Variants in PAK2 observed in about 807,000 individuals in gnomAD.
PAK2 encodes p21 (RAC1) activated kinase 2.
A neutral mutation model predicts 65.9 loss-of-function variants in PAK2; 21 were observed. That is an observed-to-expected ratio of 0.32 (90% CI 0.23 to 0.46). PAK2 has a LOEUF of 0.46. Ranked by LOEUF, PAK2 falls within the 20% of genes least tolerant of loss-of-function variation. The pLI is 1.00. For synonymous variants in PAK2, 204 were observed against 219.7 expected (o/e 0.93, Z 0.63); for missense variants, 324 against 642.6 (o/e 0.50, Z 5.36).
chr3:196,808,030 G>A, intron 7 of PAK2, 116 bp downstream of exon 7: 1 of 979,926 alleles, frequency 1.0e-6, no homozygotes, highest in Non-Finnish European at 1.5e-6. Context: ...AGAATAAATT[G>A]TTTCCTTATA....
chr3:196,765,496 G>A (rs1200007247), intron 1 of PAK2, among the ~76,000 whole-genome samples: 1 of 152,152 alleles, frequency 6.6e-6, no homozygotes, highest in African/African-American at 2.4e-5. Context: ...CCTGCCAGCT[G>A]TATATAAGAA....
intron 2 of PAK2, among the ~76,000 whole-genome samples, chr3:196,792,798 G>GA (rs58175165): frequency 0.02 from 3,066 of 150,062 alleles, 101 homozygotes; most frequent in African/African-American, 0.07. Context: ...TAAAATGACA[G>GA]AAAAAAATAT....
intron 1 of PAK2, among the ~76,000 whole-genome samples, chr3:196,763,813 G>A (rs942623027): frequency 2.4e-4 from 36 of 152,058 alleles, no homozygotes; most frequent in African/African-American, 8.5e-4. Context: ...TTGATAAAAG[G>A]TGTCTGGCCA....
At chr3:196,793,704 C>G (rs1376253376) in intron 2 of PAK2, among the ~76,000 whole-genome samples, 1 of 152,064 alleles carries the variant, frequency 6.6e-6, no homozygotes, top group African/African-American at 2.4e-5. Flanking sequence ...ATAGAGGAAT[C>G]CATGAAACAA....
At chr3:196,740,930 A>G (rs1713171347) in intron 1 of PAK2, among the ~76,000 whole-genome samples, 1 of 152,212 alleles carries the variant, frequency 6.6e-6, no homozygotes, top group Non-Finnish European at 1.5e-5. Flanking sequence ...CCAAGAACAG[A>G]AGCGTGTCAT....
chr3:196,769,141 A>C (rs541317453), intron 1 of PAK2, among the ~76,000 whole-genome samples: 1 of 151,970 alleles, frequency 6.6e-6, no homozygotes, highest in East Asian at 1.9e-4. Context: ...AGCCTGGGCA[A>C]CATAGGGAGG....
chr3:196,760,752 A>C (rs1713932587), intron 1 of PAK2, among the ~76,000 whole-genome samples: 1 of 152,206 alleles, frequency 6.6e-6, no homozygotes, highest in South Asian at 2.1e-4. Context: ...GTCATTAGAA[A>C]GTGTTTACTT....
intron 1 of PAK2, among the ~76,000 whole-genome samples, chr3:196,774,115 C>G (rs1334173990): frequency 1.3e-5 from 2 of 152,176 alleles, no homozygotes; most frequent in African/African-American, 4.8e-5. Flanking sequence ...TGCACAGTAC[C>G]TGCCTTTGAA....
intron 1 of PAK2, among the ~76,000 whole-genome samples, chr3:196,765,939 G>C (rs1408988530): frequency 6.7e-6 from 1 of 148,290 alleles, no homozygotes; most frequent in Non-Finnish European, 1.5e-5. Context: ...TTGCTCTGTT[G>C]CCCAGGCTGG....
At chr3:196,795,970 G>A (rs577741121) in intron 2 of PAK2, among the ~76,000 whole-genome samples, 35 of 152,346 alleles carry the variant, frequency 2.3e-4, no homozygotes, top group Non-Finnish European at 4.1e-4. Flanking sequence ...TTCCATCTGA[G>A]GTCATCAGAC....
chr3:196,812,669 CTGCT>C (rs1715866683), intron 9 of PAK2, 66 bp from the exon 10 acceptor site: 5 of 724,474 alleles, frequency 6.9e-6, no homozygotes, highest in South Asian at 3.3e-5. Context: ...GAGTTATCAA[CTGCT>C]TGGGGTTTGT....
chr3:196,812,361 T>G (rs1379010264), intron 9 of PAK2, 94 bp downstream of exon 9: 3 of 797,864 alleles, frequency 3.8e-6, no homozygotes, highest in Non-Finnish European at 6.8e-6. Context: ...GAACCTCTTT[T>G]AAGTTGAGCC....
chr3:196,780,511 A>G (rs1342654286), intron 1 of PAK2, among the ~76,000 whole-genome samples: 6 of 152,224 alleles, frequency 3.9e-5, no homozygotes, highest in Admixed American at 1.3e-4. Flanking sequence ...TCAGGAGAAC[A>G]GCACAGGAAA....
intron 2 of PAK2, among the ~76,000 whole-genome samples, chr3:196,790,119 C>T (rs1715022550): frequency 6.6e-6 from 1 of 152,178 alleles, no homozygotes; most frequent in African/African-American, 2.4e-5. Flanking sequence ...ATCAAAAGAA[C>T]AAAGGAGGAA....
chr3:196,823,568 C>CAAAA (rs774418777), intron 13 of PAK2, among the ~76,000 whole-genome samples: 38 of 150,182 alleles, frequency 2.5e-4, no homozygotes, highest in East Asian at 1.5e-3. Context: ...AACAAACAAA[C>CAAAA]AAAAAAAACA....
At chr3:196,805,578 A>T (rs1715558662) in intron 5 of PAK2, among the ~76,000 whole-genome samples, 195 bp downstream of exon 5, 1 of 152,194 alleles carries the variant, frequency 6.6e-6, no homozygotes, top group Non-Finnish European at 1.5e-5. Context: ...GTGATACTTA[A>T]TGTAACTAAA....
chr3:196,819,159 A>G (rs555855883), intron 12 of PAK2, among the ~76,000 whole-genome samples: 1 of 152,224 alleles, frequency 6.6e-6, no homozygotes, highest in South Asian at 2.1e-4. Flanking sequence ...AAGATGAGGG[A>G]GGCCGGGTGC....
At chr3:196,778,738 TCTC>T (rs1352601160) in intron 1 of PAK2, among the ~76,000 whole-genome samples, 1 of 152,204 alleles carries the variant, frequency 6.6e-6, no homozygotes, top group Non-Finnish European at 1.5e-5. Flanking sequence ...TATGGTTGTG[TCTC>T]CTCTGATCTG....
At chr3:196,817,156 ATTTTTTTTT>A (rs11314877) in intron 11 of PAK2, among the ~76,000 whole-genome samples, 2 of 84,778 alleles carry the variant, frequency 2.4e-5, no homozygotes, top group African/African-American at 9.6e-5. Context: ...GAAAGAGGCA[ATTTTTTTTT>A]TTTTTTTTTT....
Sources: gnomAD v4.1 joint callset for allele counts (sites outside exome capture counted in the v4.1 genomes callset) on GRCh38, gnomAD v4.1.1 for gene constraint, MANE v1.5 for transcripts, NCBI Gene and HGNC (gene_info 2026-07-23, HGNC 2026-07-21) for gene names.